The following RHPN1 variants were observed in gnomAD, a reference collection of about 807,000 sequenced individuals.
RHPN1 encodes rhophilin-1.
A neutral mutation model predicts 74.7 loss-of-function variants in RHPN1; 77 were observed. That is an observed-to-expected ratio of 1.03 (90% CI 0.86 to 1.25). RHPN1 has a LOEUF of 1.25. Among genes scored for constraint, RHPN1 ranks in the 50% most tolerant of loss-of-function variants. The pLI, the probability that RHPN1 is intolerant of heterozygous loss-of-function variation, is 0.00. For missense variants in RHPN1, 987 were observed against 932.2 expected, an observed-to-expected ratio of 1.06 and a Z score of -0.77; for synonymous variants, 444 against 414.5, an observed-to-expected ratio of 1.07 and a Z score of -0.87.
At chr8:143,367,565 G>C (rs1404638507), upstream of RHPN1, 1 of 152,278 alleles carries the variant, frequency 6.6e-6, no homozygotes, top group Non-Finnish European at 1.5e-5. Context: ...CTTATGAGAA[G>C]GCTGTTGCTG....
intron 4 of RHPN1, 103 bp downstream of exon 4, chr8:143,377,558 A>G: frequency 1.3e-6 from 1 of 776,056 alleles, no homozygotes. Context: ...AGATAGGGAA[A>G]CTGAGGCCCA....
rs1433919752 is a variant in RHPN1, at chr8:143,379,515, T to C, written c.945+7T>C. ...GGCGCAGGAGGCCGCCCAGGTGAGC[T>C]CGGGCACCCGTGTCAGGATGCAGGG... On this transcript the variant is annotated splice_region_variant and intron_variant, in intron 8 of 14. Transcript: ENST00000289013. 1.3e-6 allele frequency: 2 copies of C among 1,538,960 alleles called. No individual in the cohort carries two copies. Among genetic ancestry groups the C allele is most frequent in the East Asian group, 4.9e-5 (2 of 40,818 alleles).
upstream of RHPN1, chr8:143,368,855 C>A: frequency 5.9e-6 from 3 of 506,924 alleles, no homozygotes; most frequent in Non-Finnish European, 9.2e-6. Flanking sequence ...TCAGGAGGGA[C>A]AGTCGGGGAC....
chr8:143,380,174 T>TG lies in RHPN1; in HGVS notation c.1216+1dup. On this transcript the variant is annotated frameshift_variant and splice_region_variant, in exon 10 of 15. Coordinates refer to ENST00000289013, the MANE Select transcript of RHPN1 (RefSeq NM_052924.3). LOFTEE classifies it high-confidence loss of function. ...AGGAGCTGGAGGAGCGCAGGCAGCTTGGTAAGGCGCCCATGGGTGGAGTGC... is the reference window on the plus strand; with the variant it reads ...AGGAGCTGGAGGAGCGCAGGCAGCTTGGGTAAGGCGCCCATGGGTGGAGTGC... The TG allele has an allele frequency of 6.5e-7, 1 of 1,537,008 alleles. No homozygotes were observed.
At position 143,380,120 on chromosome 8, in the gene RHPN1, C is replaced by T; in HGVS notation, c.1161C>T (p.Ser387=). 6.4e-7 allele frequency: 1 copy of T among 1,551,632 alleles called. No individual in the cohort carries two copies. Among genetic ancestry groups the T allele is most frequent in the African/African-American group, 1.4e-5 (1 of 73,322 alleles). The change falls in exon 10 of 15, where the codon TCC becomes TCT. Residue 387 remains serine (S), a synonymous_variant. Transcript: ENST00000289013. ...HEQVFLQPPT[S]SKPRGPVLPQ... ...AGGTCTTCCTGCAGCCCCCCACCTC[C>T]TCTAAGCCCCGAGGCCCTGTGCTGC...
chr8:143,377,911 G>A (rs529229908), intron 4 of RHPN1, among the ~76,000 whole-genome samples: 41 of 152,344 alleles, frequency 2.7e-4, no homozygotes, highest in African/African-American at 9.1e-4. Context: ...TTCCGTGTCC[G>A]AGTCACTGAG....
At chr8:143,376,894 GTC>G (rs1340707621) in intron 3 of RHPN1, among the ~76,000 whole-genome samples, 1 of 44,294 alleles carries the variant, frequency 2.3e-5, no homozygotes, top group African/African-American at 8.0e-5. Context: ...GTGTGCATGC[GTC>G]TGTGTGCGCG....
chr8:143,382,259 G>A (rs1818792507), intron 14 of RHPN1, among the ~76,000 whole-genome samples, 177 bp from the exon 15 acceptor site: 1 of 152,196 alleles, frequency 6.6e-6, no homozygotes, highest in Non-Finnish European at 1.5e-5. Flanking sequence ...CAGCATGGCT[G>A]ACCCAGGGTT....
chr8:143,366,300 C>A (rs1020276420), upstream of RHPN1, among the ~76,000 whole-genome samples: 3 of 152,140 alleles, frequency 2.0e-5, no homozygotes, highest in East Asian at 5.8e-4. Flanking sequence ...TTCTCACCTC[C>A]CATCCTTTCA....
At chr8:143,374,512 C>G (rs908141211) in intron 1 of RHPN1, among the ~76,000 whole-genome samples, 4 of 152,264 alleles carry the variant, frequency 2.6e-5, no homozygotes, top group Admixed American at 6.5e-5. Flanking sequence ...GCAGTGAGCC[C>G]TGAGCAGCAC....
intron 2 of RHPN1, 84 bp from the exon 3 acceptor site, chr8:143,376,441 T>G: frequency 6.4e-7 from 1 of 1,560,538 alleles, no homozygotes; most frequent in Non-Finnish European, 8.7e-7. Flanking sequence ...CTTTGACAGG[T>G]CAGCTGGCAG....
rs1367242676 is a variant in RHPN1 at position 143,383,161 on chromosome 8, T to A, written c.*510T>A. ...AGACATGGCCTTCCCCCAAAATACT[T>A]CCTGCTGTCCTGTCTGTGCACAGAG... On this transcript the variant is annotated 3_prime_UTR_variant, in exon 15 of 15. Coordinates refer to ENST00000289013, the MANE Select transcript of RHPN1 (RefSeq NM_052924.3). The A allele has an allele frequency of 1.1e-5, 2 of 181,784 alleles. 1 individual carries two copies. The highest frequency in any genetic ancestry group is 2.3e-5 in the Non-Finnish European group (2 of 86,606). 11.3% of individuals were successfully genotyped at this position (181,784 alleles called of 1,614,324 possible).
Position 143,380,722 on chromosome 8 carries a change from G to A in RHPN1, c.1350G>A (p.Lys450=). The A allele has an allele frequency of 1.3e-6, 2 of 1,595,516 alleles. No homozygotes were observed. Among genetic ancestry groups the A allele is most frequent in the African/African-American group, 1.3e-5 (1 of 74,698 alleles). The change falls in exon 11 of 15, where the codon AAG becomes AAA. Residue 450 remains lysine (K), a synonymous_variant. Coordinates refer to ENST00000289013, the MANE Select transcript of RHPN1 (RefSeq NM_052924.3). The stretch of plus-strand genomic sequence containing the variant: ...AGACGCTGCAGCGCTCACTGGCCAA[G>A]TATGCGGAGCTCGACCGTGAGGATG... ...ISQTLQRSLA[K]YAELDREDDF... is the part of the protein sequence containing the mutation.
At chr8:143,377,507 G>A (rs992603285) in intron 4 of RHPN1, 52 bp downstream of exon 4, 60 of 1,378,656 alleles carry the variant, frequency 4.4e-5, no homozygotes, top group Non-Finnish European at 6.0e-5. Flanking sequence ...CTGGGACCAA[G>A]GGGGTCTTGG....
At chr8:143,381,423 C>T (rs1026744667) in intron 12 of RHPN1, 79 bp downstream of exon 12, 1 of 1,467,894 alleles carries the variant, frequency 6.8e-7, no homozygotes, top group Non-Finnish European at 9.3e-7. Context: ...TGGCCTCAGA[C>T]AGGCCATTGA....
rs1158987381 is a variant in RHPN1 at position 143,381,965 on chromosome 8, C to T, written c.1794C>T (p.Ser598=). Residue 598 remains serine (S), a synonymous_variant, in exon 14 of 15, where the codon AGC becomes AGT. Transcript: ENST00000289013. Reference sequence around the variant, plus strand: ...TGCTGCCCAGCTCTAGACTGCCCAGCTTGGTGAGCCCCTGGGGCCCCAGAG... The same window carrying T: ...TGCTGCCCAGCTCTAGACTGCCCAGTTTGGTGAGCCCCTGGGGCCCCAGAG... The part of the protein sequence containing the change: ...VSLLPSSRLP[S]LGDRRPVLLG... 1 of 1,585,294 alleles carries T rather than the reference C, an allele frequency of 6.3e-7. No homozygotes were observed. The highest frequency in any genetic ancestry group is 8.6e-7 in the Non-Finnish European group (1 of 1,165,098).
At chr8:143,372,495 C>T (rs908478456) in intron 1 of RHPN1, among the ~76,000 whole-genome samples, 6 of 152,036 alleles carry the variant, frequency 3.9e-5, no homozygotes, top group Admixed American at 2.0e-4. Context: ...TCGGCCCGTC[C>T]GCTGCTGGGT....
At chr8:143,377,513 C>T in intron 4 of RHPN1, 58 bp downstream of exon 4, 1 of 1,246,482 alleles carries the variant, frequency 8.0e-7, no homozygotes, top group Non-Finnish European at 1.2e-6. Flanking sequence ...CCAAGGGGGT[C>T]TTGGAGGCTT....
rs765553975 is a variant in RHPN1 at position 143,378,776 on chromosome 8, G to A, written c.540G>A (p.Ala180=). ...ACAACCAGCTGTGCTTCCTGGATGC[G>A]CGCTTCCTCACCCCTGCCAGGAGCC... is the stretch of plus-strand genomic sequence containing the variant. ...AYYNQLCFLD[A]RFLTPARSLG... Residue 180 remains alanine, a synonymous_variant, in exon 6 of 15, where the codon GCG becomes GCA. Coordinates refer to ENST00000289013, the MANE Select transcript of RHPN1 (RefSeq NM_052924.3). 56 of 1,572,048 alleles carry A rather than the reference G, an allele frequency of 3.6e-5. 1 individual carries two copies. The highest frequency in any genetic ancestry group is 5.6e-5 in the Admixed American group (3 of 53,700).
Sources: allele counts gnomAD v4.1 joint callset (sites outside exome capture counted in the v4.1 genomes callset), GRCh38; gene constraint gnomAD v4.1.1; transcripts MANE v1.5; gene names NCBI Gene and HGNC (gene_info 2026-07-23, HGNC 2026-07-21).